GRID2: variants seen among roughly 807,000 people sequenced by gnomAD.
GRID2 encodes the protein glutamate ionotropic receptor delta type subunit 2, also known as glutamate receptor ionotropic, delta-2.
Under a neutral mutation model 114.8 loss-of-function variants are expected in GRID2, and 33 were observed. That is an observed-to-expected ratio of 0.29 (90% confidence interval 0.22 to 0.38). The LOEUF is 0.38. GRID2 is among the 10% of genes least tolerant of loss of function. The probability of loss-of-function intolerance (pLI) is 1.00; values close to 1 mark genes in which losing one functional copy is unlikely to be tolerated. For missense variants in GRID2, 1,184 were observed against 1,257.7 expected (o/e 0.94, Z 0.89); for synonymous variants, 505 against 449.9 (o/e 1.12, Z -1.55).
chr4:92,953,051 C>G (rs1054949104), intron 2 of GRID2, among the ~76,000 whole-genome samples: 11 of 152,114 alleles, frequency 7.2e-5, no homozygotes, highest in African/African-American at 2.7e-4. Flanking sequence ...GGCATTCTCC[C>G]TGTGTGTGTG....
intron 15 of GRID2, among the ~76,000 whole-genome samples, chr4:93,771,700 G>A (rs935007274): frequency 4.6e-5 from 7 of 152,066 alleles, no homozygotes; most frequent in African/African-American, 1.7e-4. Context: ...AAGGGAGGAA[G>A]CATGTATAAA....
chr4:92,440,018 G>A (rs1370829502), intron 1 of GRID2, among the ~76,000 whole-genome samples: 2 of 146,056 alleles, frequency 1.4e-5, no homozygotes, highest in African/African-American at 4.9e-5. Context: ...TGTCAAATGA[G>A]ACTGGGGCCT....
At chr4:93,425,855 C>A (rs6820985) in intron 10 of GRID2, among the ~76,000 whole-genome samples, 4 of 152,166 alleles carry the variant, frequency 2.6e-5, no homozygotes, top group Non-Finnish European at 5.9e-5. Flanking sequence ...GGCTCTACCC[C>A]GTGCAGTTAT....
intron 8 of GRID2, among the ~76,000 whole-genome samples, chr4:93,368,765 TA>T: frequency 6.6e-6 from 1 of 152,288 alleles, no homozygotes; most frequent in South Asian, 2.1e-4. Context: ...ATCACAATCA[TA>T]AAATGGGATT....
chr4:92,920,078 A>G (rs1344528909), intron 2 of GRID2, among the ~76,000 whole-genome samples: 2 of 152,138 alleles, frequency 1.3e-5, no homozygotes, highest in East Asian at 3.9e-4. Context: ...TTCTTGTTGA[A>G]TTGATCTCTT....
At chr4:92,323,106 A>T (rs939280927) in intron 1 of GRID2, among the ~76,000 whole-genome samples, 3 of 152,060 alleles carry the variant, frequency 2.0e-5, no homozygotes, top group African/African-American at 7.2e-5. Context: ...ACTGTTTTTT[A>T]AAAATGTAAA....
chr4:92,396,863 A>T (rs1202406621), intron 1 of GRID2, among the ~76,000 whole-genome samples: 1 of 152,082 alleles, frequency 6.6e-6, no homozygotes, highest in African/African-American at 2.4e-5. Context: ...TGACCTAGCA[A>T]CAATTTAAAT....
intron 13 of GRID2, among the ~76,000 whole-genome samples, chr4:93,530,018 C>A (rs1054674584): frequency 6.6e-6 from 1 of 152,126 alleles, no homozygotes; most frequent in Non-Finnish European, 1.5e-5. Context: ...ATTGAGGAAT[C>A]ATTTTCATTG....
intron 3 of GRID2, among the ~76,000 whole-genome samples, chr4:93,086,939 A>T (rs1730374347): frequency 6.6e-6 from 1 of 152,184 alleles, no homozygotes; most frequent in South Asian, 2.1e-4. Context: ...CTGATCAAAC[A>T]TATATTGAAA....
chr4:93,171,802 CTAAT>C (rs1738849816), intron 4 of GRID2, among the ~76,000 whole-genome samples: 1 of 151,490 alleles, frequency 6.6e-6, no homozygotes, highest in Non-Finnish European at 1.5e-5. Flanking sequence ...CATTATATAA[CTAAT>C]TAGTGTTAGA....
chr4:93,440,378 C>G (rs1410150475), intron 10 of GRID2, among the ~76,000 whole-genome samples: 1 of 151,846 alleles, frequency 6.6e-6, no homozygotes, highest in East Asian at 1.9e-4. Context: ...GAAGGGAAGC[C>G]CTTATAGAGA....
chr4:93,368,902 A>T (rs986600637), intron 8 of GRID2, among the ~76,000 whole-genome samples: 5 of 152,092 alleles, frequency 3.3e-5, no homozygotes, highest in Admixed American at 3.3e-4. Context: ...CGTTGATTTC[A>T]TCTAAAAAGA....
intron 1 of GRID2, among the ~76,000 whole-genome samples, chr4:92,455,185 T>C (rs2149082421): frequency 6.6e-6 from 1 of 152,338 alleles, no homozygotes; most frequent in Middle Eastern, 3.4e-3. Flanking sequence ...AGGATACTTC[T>C]AATTTTATTT....
intron 13 of GRID2, among the ~76,000 whole-genome samples, chr4:93,612,542 A>G (rs1741063957): frequency 9.9e-6 from 1 of 101,350 alleles, no homozygotes; most frequent in African/African-American, 4.0e-5. Context: ...GCTTGTCTAT[A>G]AAGTATTTTA....
At chr4:93,004,340 A>C (rs1243740437) in intron 2 of GRID2, among the ~76,000 whole-genome samples, 1 of 151,972 alleles carries the variant, frequency 6.6e-6, no homozygotes, top group Non-Finnish European at 1.5e-5. Context: ...TATTTGGAAA[A>C]TAGAAGCAAC....
At chr4:92,864,295 G>A (rs1352359875) in intron 2 of GRID2, among the ~76,000 whole-genome samples, 1 of 152,156 alleles carries the variant, frequency 6.6e-6, no homozygotes, top group Non-Finnish European at 1.5e-5. Flanking sequence ...TTCTTTTGGA[G>A]GACAGTACTG....
intron 13 of GRID2, among the ~76,000 whole-genome samples, chr4:93,571,666 A>G (rs1735941861): frequency 6.6e-6 from 1 of 152,054 alleles, no homozygotes; most frequent in South Asian, 2.1e-4. Context: ...TCATAAACCT[A>G]TTAGGGAAGA....
At chr4:93,094,687 A>C (rs949075384) in intron 3 of GRID2, among the ~76,000 whole-genome samples, 1 of 152,028 alleles carries the variant, frequency 6.6e-6, no homozygotes, top group African/African-American at 2.4e-5. Flanking sequence ...AGTCTTCCTC[A>C]CAGTTACATT....
At chr4:92,892,932 T>C (rs1439413214) in intron 2 of GRID2, among the ~76,000 whole-genome samples, 1 of 152,156 alleles carries the variant, frequency 6.6e-6, no homozygotes. Context: ...GCATGCAGCA[T>C]TTCATTACAG....
Sources: gnomAD v4.1 joint callset for allele counts (sites outside exome capture counted in the v4.1 genomes callset) on GRCh38, gnomAD v4.1.1 for gene constraint, MANE v1.5 for transcripts, NCBI Gene and HGNC (gene_info 2026-07-23, HGNC 2026-07-21) for gene names.